WDFY3: variants seen among roughly 807,000 people sequenced by gnomAD.
WDFY3 encodes WD repeat and FYVE domain-containing protein 3.
Under a neutral mutation model 409.6 loss-of-function variants are expected in WDFY3, and 66 were observed. That is an observed-to-expected ratio of 0.16 (90% CI 0.13 to 0.20). The LOEUF is 0.20. Ranked by LOEUF, WDFY3 falls within the 10% of genes least tolerant of loss-of-function variation. The pLI, the probability that WDFY3 is intolerant of heterozygous loss-of-function variation, is 1.00. For missense variants in WDFY3, 3,031 were observed against 4,298.1 expected (o/e 0.71, Z 8.24); for synonymous variants, 1,521 against 1,537.1 (o/e 0.99, Z 0.25).
At position 84,850,926 on chromosome 4, in the gene WDFY3, C is replaced by CTTT. The variant is rs781440189; in HGVS notation, c.181-902_181-901insAAA. On this transcript the variant is annotated intron_variant, in intron 4 of 67. Transcript: ENST00000295888. ...AATTCTTATTTTTAATTTTATTTAT[C>CTTT]TGTTTTTTTTTTTTTTTTTTTTTTT... is the stretch of plus-strand genomic sequence containing the variant. Among the ~76,000 whole-genome samples the CTTT allele has an allele frequency of 5.4e-3, 172 of 32,124 alleles. 9 individuals are homozygous for CTTT. The highest frequency in any genetic ancestry group is 5.9e-3 in the Admixed American group (16 of 2,696). 21.1% of individuals were successfully genotyped at this position (32,124 alleles called of 152,430 possible).
At chr4:84,940,337 A>C (rs1771944708) in intron 1 of WDFY3, among the ~76,000 whole-genome samples, 1 of 152,064 alleles carries the variant, frequency 6.6e-6, no homozygotes, top group Non-Finnish European at 1.5e-5. Context: ...TTGTTCCCTC[A>C]ATGGGGGTAC....
At chr4:84,881,895 GATTATTAAGATCT>G (rs1763589753) in intron 3 of WDFY3, among the ~76,000 whole-genome samples, 1 of 151,368 alleles carries the variant, frequency 6.6e-6, no homozygotes, top group African/African-American at 2.4e-5. Context: ...AAAAAAAAAA[GATTATTAAGATCT>G]ATTATTAAGA....
rs1428702638 is a variant in WDFY3 at position 84,731,330 on chromosome 4, G to T, written c.7221+2052C>A. 3.3e-5 allele frequency among the ~76,000 whole-genome samples: 5 copies of T among 152,164 alleles called. No homozygotes were observed. The South Asian group carries it at 1.0e-3, about 31-fold the overall frequency. On this transcript the variant is annotated intron_variant, in intron 44 of 67. Transcript: ENST00000295888. ...CTCTGCCGGAATGCACATTCCAAAA[G>T]ATACAAGTTGACATTTAATGGCATT...
intron 5 of WDFY3, among the ~76,000 whole-genome samples, chr4:84,845,803 C>T (rs1039193379): frequency 2.6e-5 from 4 of 151,634 alleles, no homozygotes; most frequent in African/African-American, 9.7e-5. Flanking sequence ...TTCCCATAGC[C>T]AGGGTAAGGC....
rs748779057 is a variant in WDFY3, at chr4:84,708,997, A to G, written c.8129T>C (p.Met2710Thr). 1 of 1,614,102 alleles carries G rather than the reference A, an allele frequency of 6.2e-7. No homozygotes were observed. Among genetic ancestry groups the G allele is most frequent in the Non-Finnish European group, 8.5e-7 (1 of 1,179,972 alleles). Residue 2710 changes from methionine to threonine, a missense_variant, in exon 53 of 68, where the codon ATG (methionine) becomes ACG (threonine). Met to Thr is a moderately conservative substitution (Grantham distance 81, BLOSUM62 -1). Coordinates refer to ENST00000295888, the MANE Select transcript of WDFY3 (RefSeq NM_014991.6). The part of the protein sequence containing the change: ...RGEISNFQYL[M>T]HLNTLAGRSY... The stretch of plus-strand genomic sequence containing the variant: ...TCTGCCAGCCAAAGTGTTCAAATGC[A>G]TCAAATATTGGAAGTTGCTGATTTC...
At chr4:84,899,623 G>A (rs955796701) in intron 2 of WDFY3, among the ~76,000 whole-genome samples, 2 of 152,120 alleles carry the variant, frequency 1.3e-5, no homozygotes, top group South Asian at 2.1e-4. Flanking sequence ...ATTTACTTAC[G>A]TATTGTCTAT....
Position 84,896,166 on chromosome 4 carries a change from G to C in WDFY3, c.-32+745C>G, listed in dbSNP as rs1419549609. Among the ~76,000 whole-genome samples, 3 of 152,208 alleles carry C rather than the reference G, an allele frequency of 2.0e-5. No individual in the cohort carries two copies. In the South Asian group the frequency reaches 6.2e-4, roughly 32 times the overall value. ...AGCTACTCAGGAGGCTGAGGCAGGA[G>C]AATCGCTTGAACCGGGGAGGCAGAG... On this transcript the variant is annotated intron_variant, in intron 3 of 67. Coordinates refer to ENST00000295888, the MANE Select transcript of WDFY3 (RefSeq NM_014991.6).
intron 9 of WDFY3, 108 bp downstream of exon 9, chr4:84,828,896 A>T: frequency 1.8e-6 from 2 of 1,136,026 alleles, no homozygotes; most frequent in Non-Finnish European, 2.4e-6. Flanking sequence ...TACATTAAAT[A>T]AGTGTTTCCT....
At chr4:84,695,448 CGTGTGT>C (rs150816589) in intron 58 of WDFY3, among the ~76,000 whole-genome samples, 179 of 136,106 alleles carry the variant, frequency 1.3e-3, no homozygotes, top group African/African-American at 4.4e-3. Context: ...ATTTGGGTCC[CGTGTGT>C]GTGTGTGTGT....
chr4:84,691,117 G>A (rs1232562158), intron 60 of WDFY3, among the ~76,000 whole-genome samples: 2 of 152,152 alleles, frequency 1.3e-5, no homozygotes, highest in Admixed American at 1.3e-4. Flanking sequence ...ATTTGGGAAG[G>A]GACTGTTGGA....
chr4:84,760,973 T>C (rs1742471089), intron 32 of WDFY3, among the ~76,000 whole-genome samples: 1 of 150,682 alleles, frequency 6.6e-6, no homozygotes, highest in African/African-American at 2.4e-5. Flanking sequence ...ACACACTGCT[T>C]TGAATGTGTC....
chr4:84,867,520 C>T (rs1182515115), intron 3 of WDFY3, among the ~76,000 whole-genome samples: 1 of 152,128 alleles, frequency 6.6e-6, no homozygotes. Flanking sequence ...GTTAGGACTG[C>T]CAGCAGGGGC....
At position 84,786,023 on chromosome 4, in the gene WDFY3, G is replaced by A. The variant is rs1375406293; in HGVS notation, c.4018C>T (p.Arg1340Trp). Residue 1340 changes from arginine to tryptophan, a missense_variant, in exon 24 of 68, where the codon CGG (arginine) becomes TGG (tryptophan). Around this residue, in one of 16 missense-constraint regions of WDFY3, gnomAD observed 1,322 missense variants for 1,697.9 expected, o/e 0.78. Transcript: ENST00000295888. ...CTATCCAATTTGTTATACACTTTCC[G>A]GATTCTTGCCACTGTTAGAGACGAC... ...SVSSLTVARI[R>W]KVYNKLDSKA... 1.9e-6 allele frequency: 3 copies of A among 1,613,722 alleles called. No individual in the cohort carries two copies. The highest frequency in any genetic ancestry group is 2.5e-6 in the Non-Finnish European group (3 of 1,179,884).
intron 3 of WDFY3, among the ~76,000 whole-genome samples, chr4:84,881,000 G>A (rs1024343965): frequency 1.3e-5 from 2 of 151,902 alleles, no homozygotes; most frequent in East Asian, 3.9e-4. Context: ...TGGGATTACA[G>A]GTACGACCCA....
chr4:84,924,858 G>A (rs1769764369), intron 2 of WDFY3, among the ~76,000 whole-genome samples: 1 of 152,126 alleles, frequency 6.6e-6, no homozygotes, highest in African/African-American at 2.4e-5. Context: ...TCATTATAAA[G>A]CATAAAGATA....
intron 13 of WDFY3, among the ~76,000 whole-genome samples, chr4:84,812,602 T>C (rs535536577): frequency 1.8e-4 from 27 of 152,178 alleles, no homozygotes; most frequent in African/African-American, 4.8e-4. Context: ...TTCAAAAACA[T>C]ACTGGGAGAA....
intron 4 of WDFY3, among the ~76,000 whole-genome samples, chr4:84,859,505 A>C (rs752166648): frequency 6.6e-6 from 1 of 152,184 alleles, no homozygotes; most frequent in African/African-American, 2.4e-5. Flanking sequence ...GAGGGAACCT[A>C]TAAGCCTGTG....
chr4:84,787,272 G>A (rs192074186), intron 23 of WDFY3, among the ~76,000 whole-genome samples: 2 of 152,094 alleles, frequency 1.3e-5, no homozygotes, highest in Non-Finnish European at 2.9e-5. Flanking sequence ...GATAATAAGC[G>A]ATCAGACATA....
intron 32 of WDFY3, among the ~76,000 whole-genome samples, chr4:84,763,616 A>C (rs1743097851): frequency 6.6e-6 from 1 of 152,136 alleles, no homozygotes; most frequent in Non-Finnish European, 1.5e-5. Flanking sequence ...AAAGTAAAAA[A>C]AAAAAAGGTT....
Sources: gnomAD v4.1 joint callset for allele counts (sites outside exome capture counted in the v4.1 genomes callset) on GRCh38, gnomAD v4.1.1 for gene constraint, gnomAD v4.1.1 regional missense constraint, MANE v1.5 for transcripts, NCBI Gene and HGNC (gene_info 2026-07-23, HGNC 2026-07-21) for gene names.